ABLIM3: variants seen among roughly 807,000 people sequenced by gnomAD.
ABLIM3 encodes the protein actin binding LIM protein family member 3, also known as actin-binding LIM protein 3.
ABLIM3 carries 61 observed loss-of-function variants against 109.5 expected under a neutral mutation model. The observed-to-expected ratio is 0.56, with a 90% CI of 0.45 to 0.69. The LOEUF (loss-of-function observed/expected upper bound fraction) is 0.69. ABLIM3 is among the 30% of genes least tolerant of loss of function. ABLIM3 has a pLI of 0.00. For missense variants in ABLIM3, 796 were observed against 889.5 expected (o/e 0.89, Z 1.34); for synonymous variants, 300 against 324.8 (o/e 0.92, Z 0.82).
At position 149,198,430 on chromosome 5, in the gene ABLIM3, AC is replaced by A. The variant is rs759199343; in HGVS notation, c.335+31del. The A allele has an allele frequency of 6.3e-7, 1 of 1,582,276 alleles. No homozygotes were observed. Among genetic ancestry groups the A allele is most frequent in the East Asian group, 2.2e-5 (1 of 44,558 alleles). On this transcript the variant is annotated intron_variant, in intron 4 of 23. Coordinates refer to ENST00000309868, the MANE Select transcript of ABLIM3 (RefSeq NM_014945.5). The surrounding 1 kb of genome is among the most constrained non-coding windows in gnomAD (Gnocchi z 4.2). ...GAGTGGGCGACCAGCAGGGCCTGGG[AC>A]CCTCTGCATAAGCCCCCGGGGCAGG...
At chr5:149,240,358 G>A (rs897243643) in intron 13 of ABLIM3, 13 of 428,388 alleles carry the variant, frequency 3.0e-5, no homozygotes, top group African/African-American at 2.4e-4. Context: ...GCGTCCAAAA[G>A]GGGGAGGTTC....
At chr5:149,225,343 C>T (rs1184648981) in intron 8 of ABLIM3, among the ~76,000 whole-genome samples, 1 of 152,120 alleles carries the variant, frequency 6.6e-6, no homozygotes, top group Non-Finnish European at 1.5e-5. Context: ...CTGGCAGTCA[C>T]CAATCTGTTT....
chr5:149,180,726 T>G, intron 2 of ABLIM3, among the ~76,000 whole-genome samples: 1 of 152,244 alleles, frequency 6.6e-6, no homozygotes, highest in East Asian at 1.9e-4. Flanking sequence ...ATCAGAGCTC[T>G]GGCCACACAC....
At chr5:149,152,734 T>C (rs748531885) in intron 2 of ABLIM3, among the ~76,000 whole-genome samples, 2 of 152,084 alleles carry the variant, frequency 1.3e-5, no homozygotes, top group Non-Finnish European at 2.9e-5. Context: ...CCTGGTCCAG[T>C]TGAGAACATC....
intron 3 of ABLIM3, among the ~76,000 whole-genome samples, chr5:149,183,979 T>A (rs1446857444): frequency 6.6e-6 from 1 of 151,712 alleles, no homozygotes; most frequent in Non-Finnish European, 1.5e-5. Flanking sequence ...TGGTTTTTTT[T>A]TTTTTGAGAT....
intron 8 of ABLIM3, among the ~76,000 whole-genome samples, chr5:149,224,769 G>T (rs1761005736): frequency 6.6e-6 from 1 of 152,156 alleles, no homozygotes; most frequent in South Asian, 2.1e-4. Flanking sequence ...TGCTGGGCAT[G>T]GATTAACTCA....
chr5:149,252,970 C>G (rs1410328854), intron 23 of ABLIM3, 133 bp downstream of exon 23: 1 of 661,956 alleles, frequency 1.5e-6, no homozygotes. Context: ...AAAGCAGGGA[C>G]TTGAACCAAT....
At chr5:149,250,093 G>T (rs926424555) in intron 19 of ABLIM3, among the ~76,000 whole-genome samples, 2 of 152,218 alleles carry the variant, frequency 1.3e-5, no homozygotes, top group Non-Finnish European at 2.9e-5. Context: ...CACCACCTGG[G>T]AGCCTTCCTA....
chr5:149,149,166 A>G (rs1482041804), intron 2 of ABLIM3, among the ~76,000 whole-genome samples: 2 of 152,184 alleles, frequency 1.3e-5, no homozygotes, highest in African/African-American at 2.4e-5. Context: ...TGGGGTATGG[A>G]TTCTCGAGTT....
intron 2 of ABLIM3, among the ~76,000 whole-genome samples, chr5:149,172,820 G>T (rs979748658): frequency 5.9e-5 from 9 of 152,198 alleles, no homozygotes; most frequent in African/African-American, 2.2e-4. Context: ...GTTGTGACCT[G>T]TGTTTAACAT....
intron 8 of ABLIM3, among the ~76,000 whole-genome samples, chr5:149,224,498 C>T (rs1388707266): frequency 6.6e-6 from 1 of 152,212 alleles, no homozygotes; most frequent in Non-Finnish European, 1.5e-5. Flanking sequence ...AGCCCAACCT[C>T]CCAGGAGGGT....
chr5:149,196,685 G>A (rs1199428277), intron 3 of ABLIM3, among the ~76,000 whole-genome samples: 1 of 152,178 alleles, frequency 6.6e-6, no homozygotes, highest in African/African-American at 2.4e-5. Context: ...CCCCTTCCTC[G>A]CTGGTGCATC....
chr5:149,146,476 T>C (rs1752938809), intron 2 of ABLIM3, among the ~76,000 whole-genome samples: 1 of 152,234 alleles, frequency 6.6e-6, no homozygotes, highest in African/African-American at 2.4e-5. Context: ...TCATCCATCT[T>C]GAGTTAATTT....
chr5:149,242,853 TC>T (rs1006208215), intron 15 of ABLIM3, among the ~76,000 whole-genome samples: 1 of 152,154 alleles, frequency 6.6e-6, no homozygotes, highest in Non-Finnish European at 1.5e-5. Context: ...AGAGTCACAC[TC>T]CAAGGCATTA....
chr5:149,233,887 T>G (rs144019964), intron 10 of ABLIM3, among the ~76,000 whole-genome samples: 24 of 152,270 alleles, frequency 1.6e-4, no homozygotes, highest in African/African-American at 5.8e-4. Flanking sequence ...ACAGAGAGAC[T>G]CATCATTTGC....
intron 12 of ABLIM3, 102 bp downstream of exon 12, chr5:149,239,379 G>A: frequency 7.7e-7 from 1 of 1,295,612 alleles, no homozygotes. Context: ...CCTTGCCCAA[G>A]GTATTCCCTG....
At chr5:149,170,925 A>G (rs1296860987) in intron 2 of ABLIM3, among the ~76,000 whole-genome samples, 2 of 152,080 alleles carry the variant, frequency 1.3e-5, no homozygotes, top group South Asian at 2.1e-4. Flanking sequence ...CCCATGTGTC[A>G]TGTACCAACA....
chr5:149,180,862 T>C (rs893648344), intron 2 of ABLIM3, among the ~76,000 whole-genome samples: 1 of 152,198 alleles, frequency 6.6e-6, no homozygotes, highest in Admixed American at 6.5e-5. Flanking sequence ...GATTTTACAC[T>C]TTTTTATCCG....
At chr5:149,218,028 G>C (rs575678808) in intron 8 of ABLIM3, 4 of 152,258 alleles carry the variant, frequency 2.6e-5, no homozygotes, top group Non-Finnish European at 5.9e-5. Context: ...AGCACATAAC[G>C]GGGTAGGAGG....
Sources: gnomAD v4.1 joint callset for allele counts (sites outside exome capture counted in the v4.1 genomes callset) on GRCh38, gnomAD v4.1.1 for gene constraint, Gnocchi (gnomAD v3.1) non-coding constraint, MANE v1.5 for transcripts, NCBI Gene and HGNC (gene_info 2026-07-23, HGNC 2026-07-21) for gene names.